The following NREP variants were observed in gnomAD, a reference collection of about 807,000 sequenced individuals.
The protein encoded by NREP is neuronal regeneration-related protein.
Under a neutral mutation model 8.6 loss-of-function variants are expected in NREP, and 5 were observed. The observed-to-expected ratio is 0.58, with a 90% CI of 0.30 to 1.22. NREP has a LOEUF of 1.22. Ranked by LOEUF, NREP falls within the 50% of genes most tolerant of loss-of-function variation. The pLI is 0.07. For synonymous variants in NREP, 27 were observed against 28.0 expected, an observed-to-expected ratio of 0.96 and a Z score of 0.11; for missense variants, 86 against 82.5, an observed-to-expected ratio of 1.04 and a Z score of -0.17.
chr5:111,942,162 A>T (rs538746646), intron 2 of NREP, among the ~76,000 whole-genome samples: 2 of 152,206 alleles, frequency 1.3e-5, no homozygotes, highest in South Asian at 4.1e-4. Context: ...CTTAGCAAAC[A>T]TTGTTAGCCA....
At chr5:111,964,675 T>C (rs1245646505) in intron 2 of NREP, among the ~76,000 whole-genome samples, 1 of 151,930 alleles carries the variant, frequency 6.6e-6, no homozygotes, top group African/African-American at 2.4e-5. Context: ...GAGCCTATTC[T>C]ACTGTTGATA....
chr5:111,914,876 T>C (rs1755011430), intron 2 of NREP, among the ~76,000 whole-genome samples: 2 of 152,172 alleles, frequency 1.3e-5, no homozygotes, highest in South Asian at 2.1e-4. Flanking sequence ...CTTAGGAATG[T>C]GCCCAAGAGT....
chr5:111,932,116 G>GC (rs1239853694), intron 2 of NREP, among the ~76,000 whole-genome samples: 2 of 89,904 alleles, frequency 2.2e-5, no homozygotes, highest in East Asian at 6.2e-4. Flanking sequence ...GAGACTTTTT[G>GC]CAAAAAAAAA....
chr5:111,766,624 T>C (rs1751091587), intron 2 of NREP, among the ~76,000 whole-genome samples: 1 of 152,218 alleles, frequency 6.6e-6, no homozygotes, highest in Non-Finnish European at 1.5e-5. Context: ...TTGGGTCCTC[T>C]GCTCCCTTTG....
chr5:111,949,053 G>A, intron 2 of NREP: 1 of 151,956 alleles, frequency 6.6e-6, no homozygotes, highest in East Asian at 1.9e-4. Flanking sequence ...ACAAATAAAG[G>A]AAAAAACAAA....
At chr5:111,950,972 G>C (rs1246694733) in intron 2 of NREP, among the ~76,000 whole-genome samples, 1 of 152,056 alleles carries the variant, frequency 6.6e-6, no homozygotes, top group Non-Finnish European at 1.5e-5. Context: ...TTCCCTGAGA[G>C]CACTATCCTT....
In NREP at chr5:111,729,663, A is replaced by AGTT. The variant is rs1178726439; in HGVS notation, c.*1255_*1257dup. On this transcript the variant is annotated 3_prime_UTR_variant, in exon 4 of 4. Coordinates refer to ENST00000257435, the MANE Select transcript of NREP (RefSeq NM_004772.4). ...CCCTGTCAAAAGAAGAGCTAAAGAC[A>AGTT]GTTATATAAAAATTAAGGTGGGCTT... 6.6e-6 allele frequency: 1 copy of AGTT among 150,744 alleles called. No homozygotes were observed. The highest frequency in any genetic ancestry group is 1.5e-5 in the Non-Finnish European group (1 of 67,018). The allele number at this position is 150,744 out of a possible 1,614,324, so 9.3% of individuals were successfully genotyped here.
chr5:111,838,006 G>A (rs1250680137), intron 2 of NREP, among the ~76,000 whole-genome samples: 3 of 151,838 alleles, frequency 2.0e-5, no homozygotes, highest in South Asian at 2.1e-4. Flanking sequence ...CTATTTTCTA[G>A]ATTACAGAAA....
rs1419397393 is a variant in NREP, at chr5:111,827,026, A to C, written c.136-91519T>G. Among the ~76,000 whole-genome samples, 5 of 152,206 alleles carry C rather than the reference A, an allele frequency of 3.3e-5. No homozygotes were observed. The East Asian group carries it at 9.6e-4, about 29-fold the overall frequency. On this transcript the variant is annotated intron_variant, in intron 2 of 3. Transcript: ENST00000395634. ...CCTTATGCACTGGGGTAAAATTGGC[A>C]AATAGATATTTTCTTAAACACTAAT...
chr5:111,973,275 AT>A (rs1234673761), intron 2 of NREP, among the ~76,000 whole-genome samples: 1 of 147,008 alleles, frequency 6.8e-6, no homozygotes, highest in Non-Finnish European at 1.5e-5. Context: ...TAAAAAAAAA[AT>A]GGTTGTAATT....
At chr5:111,781,462 T>C (rs936088504) in intron 2 of NREP, among the ~76,000 whole-genome samples, 1 of 152,298 alleles carries the variant, frequency 6.6e-6, no homozygotes, top group African/African-American at 2.4e-5. Context: ...CTGACGATTC[T>C]AGTTCCCAGT....
intron 2 of NREP, among the ~76,000 whole-genome samples, chr5:111,746,189 A>G (rs1304231247): frequency 6.6e-6 from 1 of 152,148 alleles, no homozygotes; most frequent in Non-Finnish European, 1.5e-5. Flanking sequence ...ATGCCAGTGT[A>G]GACAGTCAAG....
chr5:111,735,592 TCTC>T (rs1023366766), intron 2 of NREP, 85 bp from the exon 3 acceptor site: 6 of 903,782 alleles, frequency 6.6e-6, no homozygotes, highest in Non-Finnish European at 1.1e-5. Context: ...TGAGCTCAAT[TCTC>T]CTCAATGGTT....
rs967181969 is a variant in NREP, at chr5:111,976,654, T to C, written c.30+56A>G. On this transcript the variant is annotated intron_variant, in intron 1 of 3. Coordinates refer to the NREP transcript ENST00000395634. The stretch of plus-strand genomic sequence containing the variant: ...AGAGACAAACATCCTATAATTGTTT[T>C]CTTCCTTTAAAAATGTCCCCTCATA... The C allele has an allele frequency of 6.3e-6, 9 of 1,424,554 alleles. No homozygotes were observed. In the African/African-American group the frequency reaches 1.1e-4, roughly 18 times the overall value. 88.2% of individuals were successfully genotyped at this position (1,424,554 alleles called of 1,614,324 possible).
intron 2 of NREP, among the ~76,000 whole-genome samples, chr5:111,749,430 A>G (rs1750214886): frequency 1.5e-5 from 2 of 137,474 alleles, no homozygotes; most frequent in African/African-American, 5.9e-5. Context: ...AGATTGCAGG[A>G]AAAAAAAAAA....
At chr5:111,777,706 C>A (rs1052401849) in intron 2 of NREP, among the ~76,000 whole-genome samples, 2 of 151,952 alleles carry the variant, frequency 1.3e-5, no homozygotes, top group Admixed American at 6.6e-5. Context: ...GAAAAAGCAA[C>A]GTTTTTGAGG....
chr5:111,828,755 A>C (rs1241712380), intron 2 of NREP, among the ~76,000 whole-genome samples: 2 of 152,190 alleles, frequency 1.3e-5, no homozygotes, highest in Non-Finnish European at 2.9e-5. Flanking sequence ...TGCCTCAAAC[A>C]ATTTGTTGTA....
intron 2 of NREP, among the ~76,000 whole-genome samples, chr5:111,944,882 T>A (rs1172227034): frequency 6.6e-6 from 1 of 152,126 alleles, no homozygotes; most frequent in Non-Finnish European, 1.5e-5. Flanking sequence ...TCTCTATTGA[T>A]AATAAATTTT....
chr5:111,862,432 C>T (rs768591732), intron 2 of NREP, among the ~76,000 whole-genome samples: 6 of 152,042 alleles, frequency 3.9e-5, no homozygotes, highest in Non-Finnish European at 8.8e-5. Context: ...TACGGCGAGG[C>T]TTGCAGGGGC....
Sources: allele counts gnomAD v4.1 joint callset (sites outside exome capture counted in the v4.1 genomes callset), GRCh38; gene constraint gnomAD v4.1.1; transcripts MANE v1.5; gene names NCBI Gene and HGNC (gene_info 2026-07-23, HGNC 2026-07-21).